Variants in ERBB4 observed in about 807,000 individuals in gnomAD.
ERBB4 encodes erb-b2 receptor tyrosine kinase 4.
ERBB4 carries 42 observed loss-of-function variants against 158.0 expected under a neutral mutation model. That is an observed-to-expected ratio of 0.27 (90% CI 0.21 to 0.34). The LOEUF (loss-of-function observed/expected upper bound fraction) is 0.34, where lower values mean the gene tolerates loss of function less well. Among genes scored for constraint, ERBB4 ranks in the 10% least tolerant of loss-of-function variants. The pLI is 1.00. For missense variants in ERBB4, 1,333 were observed against 1,624.1 expected (o/e 0.82, Z 3.08); for synonymous variants, 583 against 558.7 (o/e 1.04, Z -0.61).
intron 3 of ERBB4, among the ~76,000 whole-genome samples, chr2:211,855,021 C>T (rs1037185008): frequency 2.0e-5 from 3 of 152,154 alleles, no homozygotes; most frequent in East Asian, 3.9e-4. Flanking sequence ...CAACAACATT[C>T]GTTACTTTAA....
chr2:211,879,451 T>C (rs932957636), intron 3 of ERBB4, among the ~76,000 whole-genome samples: 1 of 152,196 alleles, frequency 6.6e-6, no homozygotes, highest in African/African-American at 2.4e-5. Context: ...TAAATAAATA[T>C]ATCCTATGTC....
chr2:212,331,489 C>A (rs1037704170), intron 1 of ERBB4, among the ~76,000 whole-genome samples: 5 of 151,882 alleles, frequency 3.3e-5, no homozygotes, highest in African/African-American at 4.8e-5. Flanking sequence ...TCTATTCCCT[C>A]TCCTTCAGTT....
intron 16 of ERBB4, among the ~76,000 whole-genome samples, chr2:211,646,105 G>T (rs967401756): frequency 2.0e-5 from 3 of 151,384 alleles, no homozygotes; most frequent in Non-Finnish European, 4.4e-5. Context: ...AGTGAGTAAA[G>T]TAAGTTATTG....
At chr2:212,463,451 T>C (rs1688674545) in intron 1 of ERBB4, among the ~76,000 whole-genome samples, 1 of 152,106 alleles carries the variant, frequency 6.6e-6, no homozygotes, top group Non-Finnish European at 1.5e-5. Flanking sequence ...CTATCTACCA[T>C]CTCTATATCT....
At chr2:211,992,579 A>C (rs1389567283) in intron 2 of ERBB4, among the ~76,000 whole-genome samples, 1 of 151,730 alleles carries the variant, frequency 6.6e-6, no homozygotes, top group Admixed American at 6.6e-5. Flanking sequence ...AAAAAAAAAA[A>C]AACATGAGTT....
In ERBB4 at chr2:212,068,025, A is replaced by G. The variant is rs557724462; in HGVS notation, c.234+56727T>C. On this transcript the variant is annotated intron_variant, in intron 2 of 27. Transcript: ENST00000342788. The stretch of plus-strand genomic sequence containing the variant: ...GTTAAAATGGATAGACTTCTTGCCT[A>G]TCTCATTTTTTATTTGATTTTAATT... 5.3e-5 allele frequency among the ~76,000 whole-genome samples: 8 copies of G among 152,152 alleles called. No individual in the cohort carries two copies. In the East Asian group the frequency reaches 1.5e-3, roughly 29 times the overall value.
intron 1 of ERBB4, among the ~76,000 whole-genome samples, chr2:212,304,271 C>T (rs1026409661): frequency 5.3e-5 from 8 of 151,432 alleles, no homozygotes; most frequent in South Asian, 2.1e-4. Flanking sequence ...ACGGAAAGCC[C>T]GTGAAACTAA....
chr2:212,167,478 T>C (rs911895584), intron 1 of ERBB4, among the ~76,000 whole-genome samples: 7 of 152,182 alleles, frequency 4.6e-5, no homozygotes, highest in African/African-American at 1.7e-4. Context: ...GGAACACTTT[T>C]ACACTGTTGA....
At chr2:212,210,188 AAG>A (rs888350290) in intron 1 of ERBB4, among the ~76,000 whole-genome samples, 2 of 147,904 alleles carry the variant, frequency 1.4e-5, no homozygotes, top group Non-Finnish European at 3.0e-5. Context: ...GAACCAAGAA[AAG>A]AGAAAGAGCA....
intron 16 of ERBB4, among the ~76,000 whole-genome samples, chr2:211,648,485 A>C (rs1248724603): frequency 6.6e-6 from 1 of 151,832 alleles, no homozygotes; most frequent in Non-Finnish European, 1.5e-5. Flanking sequence ...TATCTTAGCC[A>C]ACATTTGACA....
rs562397406 is a variant in ERBB4 at position 211,605,405 on chromosome 2, A to C, written c.2301+13772T>G. ...AGACTTATCAGTAATTTCAGATGGA[A>C]CATATTAAGAAAAAACAAGAGTTCT... On this transcript the variant is annotated intron_variant, in intron 19 of 27. Coordinates refer to ENST00000342788, the MANE Select transcript of ERBB4 (RefSeq NM_005235.3). Among the ~76,000 whole-genome samples, 366 of 152,250 alleles carry C rather than the reference A, an allele frequency of 2.4e-3. 3 individuals are homozygous for C. The highest frequency in any genetic ancestry group is 8.5e-3 in the African/African-American group (353 of 41,568).
At chr2:211,398,436 T>A (rs2062965717) in intron 25 of ERBB4, among the ~76,000 whole-genome samples, 1 of 152,154 alleles carries the variant, frequency 6.6e-6, no homozygotes, top group South Asian at 2.1e-4. Flanking sequence ...AAAATCTTAA[T>A]TATGGTACCA....
intron 15 of ERBB4, among the ~76,000 whole-genome samples, chr2:211,663,027 C>A (rs1032927960): frequency 1.3e-5 from 2 of 152,280 alleles, no homozygotes; most frequent in Non-Finnish European, 2.9e-5. Context: ...ATCCTCACTG[C>A]CCCTGTGGTT....
chr2:211,750,813 T>C, intron 4 of ERBB4, 109 bp from the exon 5 acceptor site: 1 of 946,776 alleles, frequency 1.1e-6, no homozygotes, highest in Non-Finnish European at 1.7e-6. Context: ...AGGATTTTTA[T>C]GTCATACTAG....
intron 19 of ERBB4, among the ~76,000 whole-genome samples, chr2:211,586,406 C>T (rs2068279503): frequency 6.6e-6 from 1 of 152,090 alleles, no homozygotes; most frequent in African/African-American, 2.4e-5. Context: ...AGTTGTATAA[C>T]ATCATTCAAA....
At chr2:212,390,923 A>G (rs185968247) in intron 1 of ERBB4, among the ~76,000 whole-genome samples, 3 of 151,946 alleles carry the variant, frequency 2.0e-5, no homozygotes, top group East Asian at 3.9e-4. Flanking sequence ...AAAAATAGTT[A>G]TTTTCATGGT....
intron 1 of ERBB4, among the ~76,000 whole-genome samples, chr2:212,516,552 A>G (rs1311689031): frequency 6.6e-6 from 1 of 152,108 alleles, no homozygotes; most frequent in Non-Finnish European, 1.5e-5. Flanking sequence ...GAGCTCTTCC[A>G]GCAAACAGTC....
intron 3 of ERBB4, among the ~76,000 whole-genome samples, chr2:211,813,947 T>C (rs2076820174): frequency 6.6e-6 from 1 of 152,066 alleles, no homozygotes; most frequent in African/African-American, 2.4e-5. Context: ...GTATTAAATA[T>C]AAAATGCCAA....
chr2:211,878,956 A>C (rs1559604803), intron 3 of ERBB4, among the ~76,000 whole-genome samples: 2 of 152,178 alleles, frequency 1.3e-5, no homozygotes, highest in Admixed American at 6.5e-5. Flanking sequence ...TTCTTAACAG[A>C]TACTCTCCTA....
Sources: gnomAD v4.1 joint callset for allele counts (sites outside exome capture counted in the v4.1 genomes callset) on GRCh38, gnomAD v4.1.1 for gene constraint, MANE v1.5 for transcripts, NCBI Gene and HGNC (gene_info 2026-07-23, HGNC 2026-07-21) for gene names.